Variants in LIMS4 observed in about 807,000 individuals in gnomAD.
LIMS4 encodes LIM zinc finger domain containing 4, also known as LIM and senescent cell antigen-like-containing domain protein 4.
At chr2:110,425,607 T>A in the LIMS4 span, among the ~76,000 whole-genome samples, 1 of 142,030 alleles carries the variant, frequency 7.0e-6, no homozygotes, top group South Asian at 2.2e-4. Context: ...CCTGGTGGAA[T>A]CACCCTTAAC....
chr2:110,382,633 G>C, the LIMS4 span: 1 of 59,642 alleles, frequency 1.7e-5, no homozygotes, highest in African/African-American at 1.0e-4. Context: ...AGAAGAGATA[G>C]ATAAAATACG....
At chr2:110,403,653 AC>A in the LIMS4 span, among the ~76,000 whole-genome samples, 5 of 101,590 alleles carry the variant, frequency 4.9e-5, no homozygotes, top group East Asian at 1.6e-3. Context: ...AATCTCCATG[AC>A]CCACACTGGC....
chr2:110,366,502 T>TA, the LIMS4 span, among the ~76,000 whole-genome samples: 3 of 151,076 alleles, frequency 2.0e-5, no homozygotes, highest in Non-Finnish European at 4.4e-5. Flanking sequence ...CCCTTTATGT[T>TA]AAAAACCCTT....
the LIMS4 span, among the ~76,000 whole-genome samples, chr2:110,395,224 CG>C: frequency 2.3e-5 from 1 of 43,908 alleles, no homozygotes; most frequent in Non-Finnish European, 4.1e-5. Context: ...TATGAATTGC[CG>C]GGGATCTCCA....
At chr2:110,361,941 C>A in the LIMS4 span, 1 of 1,420,060 alleles carries the variant, frequency 7.0e-7, no homozygotes, top group African/African-American at 1.6e-5. Flanking sequence ...AGAGCAGCCA[C>A]ATCAGAGTAC....
the LIMS4 span, among the ~76,000 whole-genome samples, chr2:110,373,355 T>C: frequency 2.8e-5 from 3 of 105,782 alleles, no homozygotes; most frequent in Non-Finnish European, 5.4e-5. Context: ...GTCCGTGATG[T>C]CCCTGCTGCT....
the LIMS4 span, chr2:110,397,343 G>A: frequency 6.8e-6 from 1 of 146,148 alleles, no homozygotes. Context: ...ATAGAATTGG[G>A]TAAATAACAA....
At chr2:110,385,144 G>A in the LIMS4 span, among the ~76,000 whole-genome samples, 165 of 145,990 alleles carry the variant, frequency 1.1e-3, no homozygotes, top group East Asian at 4.8e-3. Flanking sequence ...AGGAGTGTAG[G>A]CCATGGTGCC....
chr2:110,422,477 C>A, the LIMS4 span, among the ~76,000 whole-genome samples: 707 of 118,826 alleles, frequency 5.9e-3, 2 homozygotes, highest in South Asian at 0.011. Flanking sequence ...TGCACCAGAG[C>A]TTTTTTTTTT....
the LIMS4 span, chr2:110,362,127 A>G: frequency 1.4e-5 from 10 of 730,616 alleles, no homozygotes; most frequent in Non-Finnish European, 2.4e-5. Flanking sequence ...TCTGGCAGAT[A>G]GTACAAGTCT....
At chr2:110,368,406 T>G in the LIMS4 span, among the ~76,000 whole-genome samples, 1 of 152,100 alleles carries the variant, frequency 6.6e-6, no homozygotes, top group Non-Finnish European at 1.5e-5. Flanking sequence ...AGGTATGTTT[T>G]TATATATGTA....
the LIMS4 span, chr2:110,433,330 T>G: frequency 1.4e-5 from 2 of 147,966 alleles, no homozygotes; most frequent in Non-Finnish European, 3.0e-5. Flanking sequence ...TCATTTCATC[T>G]CTGGTTAAGG....
the LIMS4 span, among the ~76,000 whole-genome samples, chr2:110,382,104 T>A: frequency 0.066 from 1,009 of 15,224 alleles, 27 homozygotes; most frequent in Middle Eastern, 0.12. Flanking sequence ...AAAAAATATA[T>A]ATATATATAT....
At chr2:110,419,159 G>A in the LIMS4 span, among the ~76,000 whole-genome samples, 37 of 141,726 alleles carry the variant, frequency 2.6e-4, 2 homozygotes, top group South Asian at 1.1e-3. Flanking sequence ...GAGGGTGAAA[G>A]GAATGCAGGA....
chr2:110,392,446 A>AAG, the LIMS4 span, among the ~76,000 whole-genome samples: 558 of 127,986 alleles, frequency 4.4e-3, 2 homozygotes, highest in African/African-American at 0.014. Context: ...CAAAAAAAAA[A>AAG]AAAGAAAGAA....
the LIMS4 span, among the ~76,000 whole-genome samples, chr2:110,411,114 C>T: frequency 8.2e-5 from 3 of 36,746 alleles, no homozygotes; most frequent in African/African-American, 1.2e-4. Context: ...CCATGTTGGC[C>T]AGGCTGGTCT....
the LIMS4 span, chr2:110,386,494 C>A: frequency 6.1e-6 from 3 of 491,876 alleles, no homozygotes; most frequent in South Asian, 5.1e-5. Flanking sequence ...CAGCCTGGTG[C>A]CCCGGACAGG....
chr2:110,371,249 A>AC, the LIMS4 span, among the ~76,000 whole-genome samples: 2 of 128,334 alleles, frequency 1.6e-5, no homozygotes, highest in Admixed American at 7.7e-5. Flanking sequence ...AAAAAAAAAA[A>AC]AAAAAACAAG....
the LIMS4 span, among the ~76,000 whole-genome samples, chr2:110,425,229 A>T: frequency 7.2e-5 from 10 of 138,522 alleles, 3 homozygotes; most frequent in South Asian, 4.4e-4. Flanking sequence ...AGATCTCTTT[A>T]AAAAAAAAAG....
Sources: allele counts gnomAD v4.1 joint callset (sites outside exome capture counted in the v4.1 genomes callset), GRCh38; gene constraint gnomAD v4.1.1; transcripts MANE v1.5; gene names NCBI Gene and HGNC (gene_info 2026-07-23, HGNC 2026-07-21).